Variants in POM121 observed in about 807,000 individuals in gnomAD.
POM121 encodes the protein nuclear envelope pore membrane protein POM 121.
Under a neutral mutation model 81.3 loss-of-function variants are expected in POM121, and 32 were observed. The observed-to-expected ratio is 0.39, with a 90% confidence interval of 0.30 to 0.53. The LOEUF (loss-of-function observed/expected upper bound fraction) is 0.53. Among genes scored for constraint, POM121 ranks in the 20% least tolerant of loss-of-function variants. POM121 has a pLI of 0.66. For missense variants in POM121, 1,138 were observed against 1,614.6 expected, an observed-to-expected ratio of 0.70 and a Z score of 5.06; for synonymous variants, 514 against 694.2, an observed-to-expected ratio of 0.74 and a Z score of 4.08.
At chr7:72,949,494 A>G (rs1554504320), downstream of POM121, 3 of 1,437,108 alleles carry the variant, frequency 2.1e-6, no homozygotes, top group African/African-American at 4.3e-5. Flanking sequence ...AGATCTTCCT[A>G]GGGCAGAGGG....
chr7:72,894,264 T>A (rs528159991), intron 3 of POM121, among the ~76,000 whole-genome samples: 1 of 151,376 alleles, frequency 6.6e-6, no homozygotes, highest in African/African-American at 2.4e-5. Context: ...AGCGAGACTC[T>A]GTCTTAAAGA....
Position 72,942,997 on chromosome 7 carries a change from GC to G in POM121, c.3008del (p.Pro1003ArgfsTer12). The G allele has an allele frequency of 1.2e-6, 2 of 1,613,182 alleles. No individual in the cohort carries two copies. Among genetic ancestry groups the G allele is most frequent in the South Asian group, 2.2e-5 (2 of 91,066 alleles). On this transcript the variant is annotated frameshift_variant, in exon 11 of 13. Coordinates refer to ENST00000434423, the MANE Select transcript of POM121 (RefSeq NM_001387691.1). LOFTEE classifies it high-confidence loss of function. The part of the protein sequence containing the change: ...GSSFTFGNSA[A>X]PAAAPTPAPP... ...CTCTTTCACTTTTGGAAACTCTGCA[GC>G]CCCGGCTGCTGCACCCACACCTGCA...
chr7:72,934,738 T>C (rs1409791901), intron 5 of POM121, among the ~76,000 whole-genome samples: 2 of 152,224 alleles, frequency 1.3e-5, no homozygotes, highest in Non-Finnish European at 2.9e-5. Flanking sequence ...GTTGTTGTTT[T>C]TTACTGTAGA....
At chr7:72,919,116 G>T (rs1794566487) in intron 4 of POM121, among the ~76,000 whole-genome samples, 1 of 151,440 alleles carries the variant, frequency 6.6e-6, no homozygotes, top group Non-Finnish European at 1.5e-5. Context: ...ATGTTGGTCA[G>T]TCTGATCTAG....
intron 4 of POM121, among the ~76,000 whole-genome samples, chr7:72,918,188 A>AT (rs1794470834): frequency 6.6e-6 from 1 of 152,188 alleles, no homozygotes; most frequent in African/African-American, 2.4e-5. Flanking sequence ...AGCCTGACTG[A>AT]TGTCAGGCCC....
chr7:72,907,499 C>T lies in POM121; in HGVS notation c.-215-6266C>T, dbSNP rs237926. ...CTTTTTCTTCTGAAAAAAAATCTTTCTGGATTTTTCTTCATTGCTTTTTTT... is the reference window on the plus strand; with the variant it reads ...CTTTTTCTTCTGAAAAAAAATCTTTTTGGATTTTTCTTCATTGCTTTTTTT... On this transcript the variant is annotated intron_variant, in intron 3 of 15. Transcript: ENST00000395270. Among the ~76,000 whole-genome samples the T allele has an allele frequency of 4.0e-3, 610 of 151,592 alleles. 3 individuals are homozygous for T. Among genetic ancestry groups the T allele is most frequent in the Non-Finnish European group, 6.9e-3 (470 of 67,874 alleles).
At chr7:72,903,030 A>G (rs182535867) in intron 3 of POM121, among the ~76,000 whole-genome samples, 6 of 152,042 alleles carry the variant, frequency 3.9e-5, no homozygotes, top group African/African-American at 1.4e-4. Flanking sequence ...AATGGGCTGT[A>G]CTCTCTTATG....
chr7:72,949,527 T>G, downstream of POM121: 1 of 963,094 alleles, frequency 1.0e-6, no homozygotes, highest in Non-Finnish European at 1.6e-6. Context: ...GAGCTGAGCA[T>G]GCATGGAGCA....
intron 4 of POM121, among the ~76,000 whole-genome samples, chr7:72,929,252 C>T (rs1277457911): frequency 2.0e-5 from 3 of 152,176 alleles, no homozygotes; most frequent in Non-Finnish European, 4.4e-5. Flanking sequence ...AAAGGACTGT[C>T]CCTTGAAAGA....
intron 3 of POM121, among the ~76,000 whole-genome samples, chr7:72,893,729 A>T (rs1376471250): frequency 6.6e-6 from 1 of 152,150 alleles, no homozygotes; most frequent in East Asian, 1.9e-4. Context: ...AGCACGTAGT[A>T]GGTGTGGAGT....
chr7:72,925,449 C>G lies in POM121; in HGVS notation c.328C>G (p.Leu110Val). ...TCGGCGAACACTGTTCGCTTCGCCTCTGGCCAAGTCGACAGCCAACGGAAA... is the reference window on the plus strand; with the variant it reads ...TCGGCGAACACTGTTCGCTTCGCCTGTGGCCAAGTCGACAGCCAACGGAAA... ...RHRRTLFASP[L>V]AKSTANGNLL... Residue 110 changes from leucine to valine, a missense_variant, in exon 1 of 13, where the codon CTG (leucine) becomes GTG (valine). Transcript: ENST00000434423. 1 of 1,533,876 alleles carries G rather than the reference C, an allele frequency of 6.5e-7. No individual in the cohort carries two copies. Among genetic ancestry groups the G allele is most frequent in the South Asian group, 1.2e-5 (1 of 83,974 alleles).
At chr7:72,949,898 G>A (rs781965970), downstream of POM121, 3 of 1,609,284 alleles carry the variant, frequency 1.9e-6, no homozygotes, top group Admixed American at 3.3e-5. Flanking sequence ...GCCTGGGGTG[G>A]CACAGGCATC....
chr7:72,924,603 T>TA (rs1454220554), upstream of POM121: 3 of 153,178 alleles, frequency 2.0e-5, no homozygotes, highest in East Asian at 5.8e-4. Flanking sequence ...ACCACTAATC[T>TA]ACCTTCTCAG....
chr7:72,940,051 T>C, intron 8 of POM121, 83 bp downstream of exon 8: 7 of 1,538,786 alleles, frequency 4.5e-6, no homozygotes, highest in Non-Finnish European at 6.1e-6. Flanking sequence ...TTTCTTCTGA[T>C]TTTTTTTCTA....
chr7:72,928,081 C>G (rs1795642408), intron 3 of POM121, among the ~76,000 whole-genome samples: 1 of 152,072 alleles, frequency 6.6e-6, no homozygotes. Context: ...TGGTGCATAC[C>G]TGTAGTCCCA....
In POM121 at chr7:72,938,630, G is replaced by A; in HGVS notation, c.1316G>A (p.Ser439Asn). 2 of 1,613,842 alleles carry A rather than the reference G, an allele frequency of 1.2e-6. No homozygotes were observed. The highest frequency in any genetic ancestry group is 1.7e-6 in the Non-Finnish European group (2 of 1,179,810). The change falls in exon 6 of 13, where the codon AGC becomes AAC. Residue 439 changes from serine (S) to asparagine (N), a missense_variant. Physicochemically the swap from Ser to Asn is conservative, Grantham distance 46. Coordinates refer to ENST00000434423, the MANE Select transcript of POM121 (RefSeq NM_001387691.1). ...GGCCCCAGTTCATCACCCTTCTCTA[G>A]CCCAGCCTCCTCCCGCTCCCAGACA... Reference protein sequence around the residue: ...RNGPSSSPFSSPASSRSQTPE... With the variant: ...RNGPSSSPFSNPASSRSQTPE...
chr7:72,897,838 T>C (rs1792120734), intron 3 of POM121, among the ~76,000 whole-genome samples: 5 of 152,018 alleles, frequency 3.3e-5, no homozygotes. Flanking sequence ...CTGGGAAACA[T>C]AGCAAGACTC....
At chr7:72,891,232 T>C in intron 3 of POM121, 1 of 544,708 alleles carries the variant, frequency 1.8e-6, no homozygotes, top group South Asian at 2.0e-5. Flanking sequence ...AATATCACTT[T>C]CCTTCCTGCA....
upstream of POM121, among the ~76,000 whole-genome samples, chr7:72,922,887 T>C (rs1554496242): frequency 6.6e-6 from 1 of 152,032 alleles, no homozygotes; most frequent in African/African-American, 2.4e-5. Flanking sequence ...TATGTGTAGC[T>C]CCTCCACTTA....
Sources: allele counts gnomAD v4.1 joint callset (sites outside exome capture counted in the v4.1 genomes callset), GRCh38; gene constraint gnomAD v4.1.1; transcripts MANE v1.5; gene names NCBI Gene and HGNC (gene_info 2026-07-23, HGNC 2026-07-21).